The following FOLR2 variants were observed in gnomAD, a reference collection of about 807,000 sequenced individuals.
The protein encoded by FOLR2 is folate receptor 2 (fetal).
A neutral mutation model predicts 20.4 loss-of-function variants in FOLR2; 14 were observed. The ratio of observed to expected loss-of-function variants is 0.68; its 90% confidence interval spans 0.45 to 1.07. The LOEUF is 1.07. FOLR2 is among the 50% of genes least tolerant of loss of function. FOLR2 has a pLI of 0.00. For synonymous variants in FOLR2, 114 were observed against 114.3 expected (o/e 1.00, Z 0.02); for missense variants, 269 against 322.6 (o/e 0.83, Z 1.27).
In FOLR2 at chr11:72,220,995, C is replaced by T; in HGVS notation, c.276C>T (p.Arg92=). Residue 92 remains arginine (R), a synonymous_variant, in exon 3 of 5, where the codon CGC becomes CGT. Coordinates refer to ENST00000298223, the MANE Select transcript of FOLR2 (RefSeq NM_000803.5). ...GCAAGATGGAGCCCGCCTGCAAGCG[C>T]CACTTCATCCAGGACACCTGTCTCT... ...HCGKMEPACK[R]HFIQDTCLYE... The T allele has an allele frequency of 6.2e-7, 1 of 1,613,980 alleles. No individual in the cohort carries two copies. The highest frequency in any genetic ancestry group is 8.5e-7 in the Non-Finnish European group (1 of 1,179,906).
Position 72,221,067 on chromosome 11 carries a change from T to TGGGGGGGGGGGGGGGGGCCC in FOLR2, c.339+9_339+10insGGGGGGGGGGGGGGGGGCCC. 2 of 1,570,120 alleles carry TGGGGGGGGGGGGGGGGGCCC rather than the reference T, an allele frequency of 1.3e-6. No individual in the cohort carries two copies. Among genetic ancestry groups the TGGGGGGGGGGGGGGGGGCCC allele is most frequent in the African/African-American group, 1.4e-5 (1 of 71,418 alleles). ...GGCCCTGGATCCAGCAGGTAGGGTG[T>TGGGGGGGGGGGGGGGGGCCC]CTCCCCCCCACCCACCCCAGCAGAC... On this transcript the variant is annotated intron_variant, in intron 3 of 4. Transcript: ENST00000298223.
intron 2 of FOLR2, among the ~76,000 whole-genome samples, chr11:72,219,662 A>G (rs184337320): frequency 1.3e-5 from 2 of 152,284 alleles, no homozygotes; most frequent in Non-Finnish European, 2.9e-5. Flanking sequence ...AATATAAGCA[A>G]TGTTGCTGTT....
Position 72,216,916 on chromosome 11 carries a change from G to A in FOLR2, c.-34G>A, listed in dbSNP as rs138273410. On this transcript the variant is annotated 5_prime_UTR_variant, in exon 1 of 5. Coordinates refer to ENST00000298223, the MANE Select transcript of FOLR2 (RefSeq NM_000803.5). Reference sequence around the variant, plus strand: ...AGCCGTGTATGCTCCCAGCAGCAACGGAGGTTCAGGCAAGATGCCCGAAGG... The same window carrying A: ...AGCCGTGTATGCTCCCAGCAGCAACAGAGGTTCAGGCAAGATGCCCGAAGG... The A allele has an allele frequency of 7.8e-5, 125 of 1,599,588 alleles. No homozygotes were observed. In the African/African-American group the frequency reaches 1.2e-3, roughly 15 times the overall value.
In FOLR2 at chr11:72,221,069, T is replaced by TGACCC; in HGVS notation, c.339+11_339+12insGACCC. ...CCCTGGATCCAGCAGGTAGGGTGTCTCCCCCCCACCCACCCCAGCAGACTG... is the reference window on the plus strand; with the variant it reads ...CCCTGGATCCAGCAGGTAGGGTGTCTGACCCCCCCCCCACCCACCCCAGCAGACTG... On this transcript the variant is annotated intron_variant, in intron 3 of 4. Transcript: ENST00000298223. 1 of 717,304 alleles carries TGACCC rather than the reference T, an allele frequency of 1.4e-6. No individual in the cohort carries two copies. The highest frequency in any genetic ancestry group is 2.2e-6 in the Non-Finnish European group (1 of 458,084). The allele number at this position is 717,304 out of a possible 1,614,324, so 44.4% of individuals were successfully genotyped here.
chr11:72,221,101 C>T (rs374592973), intron 3 of FOLR2, 43 bp downstream of exon 3: 1 of 1,564,834 alleles, frequency 6.4e-7, no homozygotes, highest in South Asian at 1.2e-5. Context: ...ACTGCCATCC[C>T]CCTCAGTCAC....
At chr11:72,219,367 T>A (rs904289760) in intron 2 of FOLR2, among the ~76,000 whole-genome samples, 4 of 152,232 alleles carry the variant, frequency 2.6e-5, no homozygotes, top group Admixed American at 6.5e-5. Context: ...TTTTTTTAGA[T>A]TCTCTTTTCT....
At position 72,216,900 on chromosome 11, in the gene FOLR2, T is replaced by C. The variant is rs751492504; in HGVS notation, c.-50T>C. ...AGGCCAACTCAGACACAGCCGTGTA[T>C]GCTCCCAGCAGCAACGGAGGTTCAG... On this transcript the variant is annotated 5_prime_UTR_variant, in exon 1 of 5. An upstream start codon of the reference 5' UTR is lost. Transcript: ENST00000298223. The C allele has an allele frequency of 7.5e-6, 12 of 1,599,430 alleles. No individual in the cohort carries two copies. The highest frequency in any genetic ancestry group is 6.7e-5 in the African/African-American group (5 of 74,932).
rs141864268 is a variant in FOLR2, at chr11:72,218,564, C to T, written c.-21C>T. ...GGACTTGGTTTCCCTACCCTAGCTCCGCCTGCAGGGACAGAAAGACATGGT... is the reference window on the plus strand; with the variant it reads ...GGACTTGGTTTCCCTACCCTAGCTCTGCCTGCAGGGACAGAAAGACATGGT... On this transcript the variant is annotated 5_prime_UTR_variant, in exon 2 of 5. Coordinates refer to ENST00000298223, the MANE Select transcript of FOLR2 (RefSeq NM_000803.5). 7.2e-3 allele frequency: 11,613 copies of T among 1,609,922 alleles called. 48 individuals carry two copies. Among genetic ancestry groups the T allele is most frequent in the Non-Finnish European group, 8.9e-3 (10,451 of 1,178,080 alleles).
At position 72,221,279 on chromosome 11, in the gene FOLR2, G is replaced by A. The variant is rs1403866490; in HGVS notation, c.443G>A (p.Ser148Asn). The A allele has an allele frequency of 1.2e-6, 2 of 1,614,014 alleles. No homozygotes were observed. Among genetic ancestry groups the A allele is most frequent in the Non-Finnish European group, 8.5e-7 (1 of 1,179,926 alleles). The change falls in exon 4 of 5, where the codon AGC becomes AAC. Residue 148 changes from serine (S) to asparagine (N), a missense_variant. Physicochemically the swap from Ser to Asn is conservative, Grantham distance 46. Transcript: ENST00000298223. Reference sequence around the variant, plus strand: ...TGTCACACCTCCCACACGTGCAAGAGCAACTGGCACAGAGGATGGGACTGG... The same window carrying A: ...TGTCACACCTCCCACACGTGCAAGAACAACTGGCACAGAGGATGGGACTGG... ...EDCHTSHTCK[S>N]NWHRGWDWTS...
intron 4 of FOLR2, 28 bp from the exon 5 acceptor site, chr11:72,221,442 T>C (rs2135404788): frequency 1.2e-6 from 2 of 1,607,076 alleles, no homozygotes; most frequent in East Asian, 2.2e-5. Context: ...GGGCTGAAAG[T>C]CTGTGTCCAC....
Position 72,216,917 on chromosome 11 carries a change from G to C in FOLR2, c.-33G>C. ...GCCGTGTATGCTCCCAGCAGCAACG[G>C]AGGTTCAGGCAAGATGCCCGAAGGA... On this transcript the variant is annotated 5_prime_UTR_variant, in exon 1 of 5. Transcript: ENST00000298223. 6.3e-7 allele frequency: 1 copy of C among 1,599,590 alleles called. No individual in the cohort carries two copies. Among genetic ancestry groups the C allele is most frequent in the Non-Finnish European group, 8.5e-7 (1 of 1,179,814 alleles).
chr11:72,219,515 C>G (rs1948448656), intron 2 of FOLR2, among the ~76,000 whole-genome samples: 1 of 152,142 alleles, frequency 6.6e-6, no homozygotes, highest in African/African-American at 2.4e-5. Flanking sequence ...TGTCAGTTCT[C>G]TGGTATGACT....
At chr11:72,217,952 C>G (rs1342927752) in intron 1 of FOLR2, among the ~76,000 whole-genome samples, 1 of 152,124 alleles carries the variant, frequency 6.6e-6, no homozygotes, top group African/African-American at 2.4e-5. Flanking sequence ...AGGAAAATGG[C>G]TTTCAGAGAA....
chr11:72,218,661 A>G lies in FOLR2; in HGVS notation c.77A>G (p.Asp26Gly), dbSNP rs759936604. Reference protein sequence around the residue: ...ATMCSAQDRTDLLNVCMDAKH... With the variant: ...ATMCSAQDRTGLLNVCMDAKH... ...ATGTGCAGTGCCCAGGACAGGACTG[A>G]TCTCCTCAATGTCTGTATGGATGCC... The change falls in exon 2 of 5, where the codon GAT (aspartate) becomes GGT (glycine). Residue 26 changes from aspartate to glycine, a missense_variant. Coordinates refer to ENST00000298223, the MANE Select transcript of FOLR2 (RefSeq NM_000803.5). The G allele has an allele frequency of 2.2e-5, 35 of 1,612,990 alleles. No individual in the cohort carries two copies. Among genetic ancestry groups the G allele is most frequent in the Non-Finnish European group, 2.8e-5 (33 of 1,179,514 alleles).
intron 2 of FOLR2, among the ~76,000 whole-genome samples, 175 bp from the exon 3 acceptor site, chr11:72,220,695 T>G (rs1948469600): frequency 6.6e-6 from 1 of 152,164 alleles, no homozygotes; most frequent in African/African-American, 2.4e-5. Flanking sequence ...TTGTGTTTCC[T>G]CCAAGAAAGG....
At position 72,221,069 on chromosome 11, in the gene FOLR2, T is replaced by TGGGGGGCCC; in HGVS notation, c.339+11_339+12insGGGGGGCCC. 1 of 717,294 alleles carries TGGGGGGCCC rather than the reference T, an allele frequency of 1.4e-6. No individual in the cohort carries two copies. Among genetic ancestry groups the TGGGGGGCCC allele is most frequent in the Non-Finnish European group, 2.2e-6 (1 of 458,076 alleles). 44.4% of individuals were successfully genotyped at this position (717,294 alleles called of 1,614,324 possible). ...CCCTGGATCCAGCAGGTAGGGTGTC[T>TGGGGGGCCC]CCCCCCCACCCACCCCAGCAGACTG... On this transcript the variant is annotated intron_variant, in intron 3 of 4. Transcript: ENST00000298223.
At chr11:72,217,325 A>G (rs1488304628) in intron 1 of FOLR2, 22 of 1,278,874 alleles carry the variant, frequency 1.7e-5, no homozygotes, top group Non-Finnish European at 2.2e-5. Flanking sequence ...GCCCGGCCAC[A>G]TCTTTCTTTA....
chr11:72,219,797 A>G (rs1948452954), intron 2 of FOLR2, among the ~76,000 whole-genome samples: 1 of 151,926 alleles, frequency 6.6e-6, no homozygotes, highest in African/African-American at 2.4e-5. Flanking sequence ...TGAAAACATG[A>G]TGTGCCTATA....
intron 2 of FOLR2, among the ~76,000 whole-genome samples, chr11:72,219,650 A>G (rs1948450566): frequency 6.6e-6 from 1 of 152,176 alleles, no homozygotes; most frequent in Non-Finnish European, 1.5e-5. Context: ...ATAAGATACT[A>G]TAATATAAGC....
Sources: allele counts gnomAD v4.1 joint callset (sites outside exome capture counted in the v4.1 genomes callset), GRCh38; gene constraint gnomAD v4.1.1; transcripts MANE v1.5; gene names NCBI Gene and HGNC (gene_info 2026-07-23, HGNC 2026-07-21).